The following EIF2AK4 variants were observed in gnomAD, a reference collection of about 807,000 sequenced individuals.
EIF2AK4 encodes eIF-2-alpha kinase GCN2.
A neutral mutation model predicts 211.1 loss-of-function variants in EIF2AK4; 139 were observed. The ratio of observed to expected loss-of-function variants is 0.66; its 90% CI spans 0.57 to 0.76. EIF2AK4 has a LOEUF of 0.76. EIF2AK4 is among the 30% of genes least tolerant of loss of function. The probability of loss-of-function intolerance (pLI) is 0.00; values close to 1 mark genes in which losing one functional copy is unlikely to be tolerated. For synonymous variants in EIF2AK4, 710 were observed against 751.3 expected, an observed-to-expected ratio of 0.94 and a Z score of 0.90; for missense variants, 1,664 against 2,043.8, an observed-to-expected ratio of 0.81 and a Z score of 3.58.
rs755352156 is a variant in EIF2AK4, at chr15:39,976,443, C to T, written c.1848C>T (p.Tyr616=). The T allele has an allele frequency of 1.9e-6, 3 of 1,608,184 alleles. No individual in the cohort carries two copies. Among genetic ancestry groups the T allele is most frequent in the Non-Finnish European group, 2.5e-6 (3 of 1,177,920 alleles). The change falls in exon 12 of 39, where the codon TAC becomes TAT. Residue 616 remains tyrosine, a synonymous_variant. Transcript: ENST00000263791. ...AGAACAAGTTGGACGGCTGCTGCTA[C>T]GCAGTGAAGCGCATCCCCATCAACC... ...KVQNKLDGCC[Y]AVKRIPINPA...
chr15:40,030,520 G>T, intron 35 of EIF2AK4, 64 bp downstream of exon 35: 1 of 1,441,150 alleles, frequency 6.9e-7, no homozygotes, highest in South Asian at 1.3e-5. Flanking sequence ...AACAACAACA[G>T]GAAAGGAAAA....
chr15:39,997,647 A>C (rs1340601766), intron 19 of EIF2AK4, among the ~76,000 whole-genome samples: 1 of 152,232 alleles, frequency 6.6e-6, no homozygotes, highest in Non-Finnish European at 1.5e-5. Context: ...AAAACTACCA[A>C]GACCAGAAGT....
rs373344202 is a variant in EIF2AK4, at chr15:39,972,990, C to T, written c.1636C>T (p.Pro546Ser). The change falls in exon 10 of 39, where the codon CCT (proline) becomes TCT (serine). Residue 546 changes from proline (P) to serine (S), a missense_variant. Coordinates refer to ENST00000263791, the MANE Select transcript of EIF2AK4 (RefSeq NM_001013703.4). ...CTTTATAAATCCCCAGCCAAAAATG[C>T]CTCTAGTGGAACAAAGTCCTGAAGG... ...HSFINPQPKM[P>S]LVEQSPEDSE... 16 of 1,613,846 alleles carry T rather than the reference C, an allele frequency of 9.9e-6. No homozygotes were observed. Among genetic ancestry groups the T allele is most frequent in the South Asian group, 2.2e-5 (2 of 91,068 alleles).
intron 11 of EIF2AK4, chr15:39,974,702 A>T (rs2034670316): frequency 1.3e-5 from 2 of 152,182 alleles, no homozygotes; most frequent in African/African-American, 4.8e-5. Context: ...AATAGTAACA[A>T]ATTTCATCTC....
At chr15:39,973,903 G>T in intron 11 of EIF2AK4, 154 bp downstream of exon 11, 1 of 788,084 alleles carries the variant, frequency 1.3e-6, no homozygotes. Flanking sequence ...TGGAGTTAAA[G>T]GTTTTATTTA....
intron 20 of EIF2AK4, 115 bp from the exon 21 acceptor site, chr15:40,000,873 A>G (rs1456619601): frequency 1.0e-5 from 10 of 978,362 alleles, no homozygotes; most frequent in Non-Finnish European, 1.4e-5. Context: ...ATGTCAGTTA[A>G]GTGCAAGAAT....
Position 40,013,166 on chromosome 15 carries a change from AT to A in EIF2AK4, c.3759+1827del, listed in dbSNP as rs559942565. On this transcript the variant is annotated intron_variant, in intron 27 of 38. Transcript: ENST00000263791. ...ATCGAATACATGATTTTAAATTTAA[AT>A]TTTTTTCTTTTTATTTTTTTGAGAC... 6.6e-5 allele frequency among the ~76,000 whole-genome samples: 10 copies of A among 152,232 alleles called. 1 individual carries two copies. The South Asian group carries it at 1.7e-3, about 25-fold the overall frequency.
At chr15:40,034,271 A>C (rs932002284) in intron 37 of EIF2AK4, 55 bp from the exon 38 acceptor site, 28 of 1,417,086 alleles carry the variant, frequency 2.0e-5, no homozygotes, top group Non-Finnish European at 2.7e-5. Context: ...CCCAGAAAAA[A>C]CCAGCTAGTA....
intron 18 of EIF2AK4, among the ~76,000 whole-genome samples, chr15:39,995,033 G>T (rs11070243): frequency 2.0e-5 from 3 of 151,774 alleles, no homozygotes; most frequent in East Asian, 1.9e-4. Flanking sequence ...GTAGAGACAG[G>T]GTTTCACCAT....
chr15:40,024,754 A>C (rs2035443622), intron 32 of EIF2AK4, among the ~76,000 whole-genome samples: 1 of 137,752 alleles, frequency 7.3e-6, no homozygotes, highest in African/African-American at 2.8e-5. Flanking sequence ...TTTTTTTGAG[A>C]CAGGGTCTCA....
chr15:39,951,074 C>T (rs2034303723), intron 4 of EIF2AK4, among the ~76,000 whole-genome samples: 1 of 152,098 alleles, frequency 6.6e-6, no homozygotes, highest in Non-Finnish European at 1.5e-5. Flanking sequence ...TATGTAGGTA[C>T]CTTTTGACCC....
Position 40,022,571 on chromosome 15 carries a change from C to T in EIF2AK4, c.4355C>T (p.Ala1452Val), listed in dbSNP as rs780032707. 6.2e-7 allele frequency: 1 copy of T among 1,614,144 alleles called. No individual in the cohort carries two copies. The highest frequency in any genetic ancestry group is 8.5e-7 in the Non-Finnish European group (1 of 1,180,030). The stretch of plus-strand genomic sequence containing the variant: ...AGACATCATGAAATCACCTATGTGG[C>T]CCTTGTCTCGGATAAAGAAGGAAGC... ...YCRHHEITYV[A>V]LVSDKEGSHV... The change falls in exon 32 of 39, where the codon GCC becomes GTC. Residue 1452 changes from alanine (A) to valine (V), a missense_variant. Ala to Val is a moderately conservative substitution (Grantham distance 64). Coordinates refer to ENST00000263791, the MANE Select transcript of EIF2AK4 (RefSeq NM_001013703.4).
chr15:39,973,783 A>G, intron 11 of EIF2AK4, 34 bp downstream of exon 11: 1 of 1,610,378 alleles, frequency 6.2e-7, no homozygotes, highest in South Asian at 1.1e-5. Flanking sequence ...TCCCCTTTAG[A>G]GCTCCTTCTC....
chr15:40,017,333 T>G (rs898321049), intron 29 of EIF2AK4, 91 bp downstream of exon 29: 1 of 1,452,128 alleles, frequency 6.9e-7, no homozygotes, highest in Non-Finnish European at 9.3e-7. Flanking sequence ...CACCAAAAAT[T>G]TGAACCAGTA....
Position 40,034,377 on chromosome 15 carries a change from C to T in EIF2AK4, c.4825C>T (p.Arg1609Cys), listed in dbSNP as rs775295979. The T allele has an allele frequency of 1.5e-5, 25 of 1,613,926 alleles. No individual in the cohort carries two copies. The highest frequency in any genetic ancestry group is 6.7e-5 in the Admixed American group (4 of 59,986). ...CACAACTGTGAAGCAGCTGCTGTCA[C>T]GCCTGCCAAAGCAAAGATACCTCAA... is the stretch of plus-strand genomic sequence containing the variant. ...FNTTVKQLLSRLPKQRYLKLV... is the reference protein window; with the variant it reads ...FNTTVKQLLSCLPKQRYLKLV... The change falls in exon 38 of 39, where the codon CGC becomes TGC. Residue 1609 changes from arginine to cysteine, a missense_variant. This residue lies in a region of EIF2AK4 where 138 missense variants were observed against 165.1 expected (regional missense o/e 0.84). Transcript: ENST00000263791.
At position 40,034,456 on chromosome 15, in the gene EIF2AK4, C is replaced by T. The variant is rs371027516; in HGVS notation, c.4892+12C>T. 6.9e-6 allele frequency: 11 copies of T among 1,596,786 alleles called. No individual in the cohort carries two copies. In the East Asian group the frequency reaches 8.9e-5, roughly 13 times the overall value. On this transcript the variant is annotated intron_variant, in intron 38 of 38. Transcript: ENST00000263791. ...AAAGTAGAAAAAAAGTAAGTTATCA[C>T]TTGGGCATAGCAGGGTTCACATGGT...
At chr15:39,957,377 C>T (rs2140907164) in intron 6 of EIF2AK4, among the ~76,000 whole-genome samples, 1 of 152,144 alleles carries the variant, frequency 6.6e-6, no homozygotes, top group East Asian at 1.9e-4. Context: ...TCAAGACCAG[C>T]CTGGGCAACA....
intron 20 of EIF2AK4, among the ~76,000 whole-genome samples, chr15:40,000,693 T>C (rs2035077999): frequency 6.6e-6 from 1 of 152,238 alleles, no homozygotes; most frequent in African/African-American, 2.4e-5. Context: ...TCTGTGTTTA[T>C]AAGGCCTAAT....
intron 38 of EIF2AK4, 26 bp downstream of exon 38, chr15:40,034,470 G>A: frequency 1.9e-6 from 3 of 1,561,888 alleles, no homozygotes; most frequent in Non-Finnish European, 2.6e-6. Context: ...GGCATAGCAG[G>A]GTTCACATGG....
Sources: allele counts gnomAD v4.1 joint callset (sites outside exome capture counted in the v4.1 genomes callset), GRCh38; gene constraint gnomAD v4.1.1; regional missense constraint gnomAD v4.1.1; transcripts MANE v1.5; gene names NCBI Gene and HGNC (gene_info 2026-07-23, HGNC 2026-07-21).